Variants in DLG5 observed in about 807,000 individuals in gnomAD.
The protein encoded by DLG5 is discs large MAGUK scaffold protein 5.
DLG5 carries 48 observed loss-of-function variants against 189.8 expected under a neutral mutation model. The observed-to-expected ratio is 0.25, with a 90% CI of 0.20 to 0.32. The LOEUF is 0.32. Ranked by LOEUF, DLG5 falls within the 10% of genes least tolerant of loss-of-function variation. The pLI is 1.00. For missense variants in DLG5, 2,160 were observed against 2,544.7 expected (o/e 0.85, Z 3.25); for synonymous variants, 1,016 against 1,054.1 (o/e 0.96, Z 0.70).
At chr10:77,829,307 A>C (rs1842792247) in intron 12 of DLG5, 48 bp downstream of exon 12, 1 of 1,610,882 alleles carries the variant, frequency 6.2e-7, no homozygotes, top group African/African-American at 1.3e-5. Flanking sequence ...TCCACAAAAA[A>C]GGGCCCCAGC....
At position 77,926,488 on chromosome 10, in the gene DLG5, C is replaced by G; in HGVS notation, c.33G>C (p.Gln11His). Residue 11 changes from glutamine to histidine, a missense_variant, in exon 1 of 32, where the codon CAG becomes CAC. Transcript: ENST00000372391. The surrounding 1 kb of genome is among the most constrained non-coding windows in gnomAD (Gnocchi z 5.2). MEPQRRELLA[Q>H]CQQSLAQAMT... ...TGGCCTGGGCCAGGCTCTGCTGACA[C>G]TGGGCGAGCAGCTCCCGGCGCTGGG... 1 of 1,437,808 alleles carries G rather than the reference C, an allele frequency of 7.0e-7. No homozygotes were observed. Among genetic ancestry groups the G allele is most frequent in the Non-Finnish European group, 9.2e-7 (1 of 1,089,708 alleles). 89.1% of individuals were successfully genotyped at this position (1,437,808 alleles called of 1,614,324 possible). A position where few individuals can be genotyped will look rare whatever the true frequency, so the allele number is the denominator to read the frequency against.
At chr10:77,899,308 G>A (rs1423105642) in intron 1 of DLG5, among the ~76,000 whole-genome samples, 2 of 152,188 alleles carry the variant, frequency 1.3e-5, no homozygotes, top group Non-Finnish European at 2.9e-5. Context: ...ATGGAAATCT[G>A]CCAGCAGGAA....
chr10:77,891,058 C>T (rs531519857), intron 1 of DLG5, among the ~76,000 whole-genome samples: 13 of 152,314 alleles, frequency 8.5e-5, no homozygotes, highest in Admixed American at 8.5e-4. Context: ...AACATCCCAA[C>T]CGACCCTTCA....
At position 77,817,109 on chromosome 10, in the gene DLG5, A is replaced by C; in HGVS notation, c.3785-13T>G. 1.2e-6 allele frequency: 2 copies of C among 1,612,120 alleles called. No homozygotes were observed. Among genetic ancestry groups the C allele is most frequent in the Non-Finnish European group, 1.7e-6 (2 of 1,178,130 alleles). On this transcript the variant is annotated splice_polypyrimidine_tract_variant and intron_variant, in intron 18 of 31. Transcript: ENST00000372391. ...TTACTCGAAGAACCTATTGTTCCAT[A>C]AGGGAACAAAACTTCAGGCCTCATG...
At chr10:77,804,388 T>C (rs1841368536) in intron 27 of DLG5, among the ~76,000 whole-genome samples, 1 of 152,206 alleles carries the variant, frequency 6.6e-6, no homozygotes, top group South Asian at 2.1e-4. Flanking sequence ...TGGCCAATAG[T>C]TTGCCAACCC....
chr10:77,824,450 C>T lies in DLG5; in HGVS notation c.2316G>A (p.Lys772=), dbSNP rs755886011. 26 of 1,613,956 alleles carry T rather than the reference C, an allele frequency of 1.6e-5. No individual in the cohort carries two copies. Among genetic ancestry groups the T allele is most frequent in the Non-Finnish European group, 1.4e-5 (16 of 1,179,994 alleles). Residue 772 remains lysine (K), a synonymous_variant, in exon 14 of 32, where the codon AAG becomes AAA. Coordinates refer to ENST00000372391, the MANE Select transcript of DLG5 (RefSeq NM_004747.4). Reference sequence around the variant, plus strand: ...GCAGAGATTCACATTCATTCAGAGACTTGTTGTCCAGTGCAATGCCATTGA... The same window carrying T: ...GCAGAGATTCACATTCATTCAGAGATTTGTTGTCCAGTGCAATGCCATTGA... The part of the protein sequence containing the change: ...VAINGIALDN[K]SLNECESLLR...
intron 1 of DLG5, among the ~76,000 whole-genome samples, chr10:77,875,541 C>T (rs1845057073): frequency 1.3e-5 from 2 of 152,126 alleles, no homozygotes; most frequent in African/African-American, 2.4e-5. Flanking sequence ...GGCCCCCATT[C>T]CATACCCATG....
intron 27 of DLG5, among the ~76,000 whole-genome samples, chr10:77,802,586 T>G (rs547718260): frequency 6.6e-6 from 1 of 152,216 alleles, no homozygotes; most frequent in Non-Finnish European, 1.5e-5. Flanking sequence ...ATCTGTAGAA[T>G]TAAAATGAGA....
chr10:77,804,104 C>G (rs1051080233), intron 27 of DLG5, among the ~76,000 whole-genome samples: 2 of 152,084 alleles, frequency 1.3e-5, no homozygotes, highest in African/African-American at 4.8e-5. Flanking sequence ...GTTGGCCAGG[C>G]TGGTCTTGAA....
intron 1 of DLG5, among the ~76,000 whole-genome samples, chr10:77,921,875 G>T (rs138090919): frequency 6.6e-6 from 1 of 152,204 alleles, no homozygotes; most frequent in Non-Finnish European, 1.5e-5. Flanking sequence ...CAATGAGCAC[G>T]CGAGAGGTCC....
chr10:77,905,110 C>A (rs1220248255), intron 1 of DLG5, among the ~76,000 whole-genome samples: 3 of 137,512 alleles, frequency 2.2e-5, no homozygotes, highest in Admixed American at 7.6e-5. Flanking sequence ...GCCTGGGCGA[C>A]AAGAGCGAGA....
At chr10:77,876,205 C>T (rs1014657176) in intron 1 of DLG5, among the ~76,000 whole-genome samples, 1 of 152,080 alleles carries the variant, frequency 6.6e-6, no homozygotes, top group Non-Finnish European at 1.5e-5. Context: ...GTGGATTCCC[C>T]CTATTTCTGG....
At chr10:77,879,831 A>C (rs1174814384) in intron 1 of DLG5, among the ~76,000 whole-genome samples, 1 of 151,890 alleles carries the variant, frequency 6.6e-6, no homozygotes, top group African/African-American at 2.4e-5. Context: ...GAGTTGGGGA[A>C]TCATGAGTTC....
intron 17 of DLG5, among the ~76,000 whole-genome samples, 158 bp downstream of exon 17, chr10:77,819,163 G>A (rs1236636846): frequency 6.6e-6 from 1 of 152,178 alleles, no homozygotes; most frequent in Non-Finnish European, 1.5e-5. Flanking sequence ...TCAGAAAGCA[G>A]CCCTAAGGCT....
chr10:77,843,308 G>A, intron 6 of DLG5, 139 bp downstream of exon 6: 1 of 1,087,604 alleles, frequency 9.2e-7, no homozygotes, highest in Non-Finnish European at 1.3e-6. Flanking sequence ...CACATTCAGT[G>A]TCAAAAAAAA....
chr10:77,792,843 G>A (rs1008172338), intron 31 of DLG5: 7 of 411,112 alleles, frequency 1.7e-5, no homozygotes, highest in East Asian at 4.5e-5. Flanking sequence ...GACATGTGGC[G>A]GTGGTCTAAT....
At chr10:77,863,218 A>G (rs564949269) in intron 2 of DLG5, among the ~76,000 whole-genome samples, 8 of 152,080 alleles carry the variant, frequency 5.3e-5, no homozygotes, top group Admixed American at 1.3e-4. Flanking sequence ...CAGCCTCCCA[A>G]GCAGCTGGGA....
chr10:77,804,286 G>C (rs1171600304), intron 27 of DLG5, among the ~76,000 whole-genome samples: 1 of 152,202 alleles, frequency 6.6e-6, no homozygotes. Flanking sequence ...AGGGCTAATA[G>C]ACTTTTTTAC....
intron 7 of DLG5, among the ~76,000 whole-genome samples, chr10:77,839,722 G>A (rs55694021): frequency 6.6e-6 from 1 of 152,114 alleles, no homozygotes; most frequent in Non-Finnish European, 1.5e-5. Context: ...ATGAGTTCAC[G>A]GTTTTTCTAG....
Sources: allele counts gnomAD v4.1 joint callset (sites outside exome capture counted in the v4.1 genomes callset), GRCh38; gene constraint gnomAD v4.1.1; non-coding constraint Gnocchi (gnomAD v3.1); transcripts MANE v1.5; gene names NCBI Gene and HGNC (gene_info 2026-07-23, HGNC 2026-07-21).